Variants in FCRL5 observed in about 807,000 individuals in gnomAD.
FCRL5 encodes the protein Fc receptor-like protein 5.
In FCRL5, 79 loss-of-function variants were observed where a neutral mutation model predicts 92.1. The ratio of observed to expected loss-of-function variants is 0.86; its 90% CI spans 0.72 to 1.03. FCRL5 has a LOEUF of 1.03. Ranked by LOEUF, FCRL5 falls within the 50% of genes least tolerant of loss-of-function variation. FCRL5 has a pLI of 0.00. For synonymous variants in FCRL5, 466 were observed against 469.3 expected, an observed-to-expected ratio of 0.99 and a Z score of 0.09; for missense variants, 1,160 against 1,181.1, an observed-to-expected ratio of 0.98 and a Z score of 0.26.
intron 6 of FCRL5, among the ~76,000 whole-genome samples, chr1:157,541,659 C>A (rs562117782): frequency 8.5e-4 from 130 of 152,338 alleles, no homozygotes; most frequent in Non-Finnish European, 1.6e-3. Context: ...GATTGGCATG[C>A]CTTTCCATCT....
chr1:157,532,157 AT>A (rs2101618698), intron 8 of FCRL5: 1 of 152,306 alleles, frequency 6.6e-6, no homozygotes, highest in East Asian at 1.9e-4. Flanking sequence ...ATAATGGCGT[AT>A]GAGAGTTTCT....
chr1:157,537,679 A>T (rs1267843379), intron 7 of FCRL5, among the ~76,000 whole-genome samples: 1 of 152,168 alleles, frequency 6.6e-6, no homozygotes, highest in Non-Finnish European at 1.5e-5. Flanking sequence ...AAGGGGCATC[A>T]TGGAACCTGC....
intron 7 of FCRL5, among the ~76,000 whole-genome samples, chr1:157,538,205 G>T (rs1330769425): frequency 6.6e-6 from 1 of 152,088 alleles, no homozygotes. Flanking sequence ...ACTCCCCCTG[G>T]GTTCCCTGGC....
At chr1:157,546,495 C>CAAACCAAACCAAACCAAACA (rs1651545993) in intron 3 of FCRL5, among the ~76,000 whole-genome samples, 1 of 151,616 alleles carries the variant, frequency 6.6e-6, no homozygotes, top group Non-Finnish European at 1.5e-5. Flanking sequence ...CAAACCAAAC[C>CAAACCAAACCAAACCAAACA]AAACCAAAAA....
In FCRL5 at chr1:157,545,522, G is replaced by GTTTTTT. The variant is rs754972248; in HGVS notation, c.308-446_308-441dup. On this transcript the variant is annotated intron_variant, in intron 3 of 16. Transcript: ENST00000361835. ...GGCAGTAATGTAATTTCTTTAATGAGTTTTTTTTTTTTTTTTTTTTTTTTG... is the reference window on the plus strand; with the variant it reads ...GGCAGTAATGTAATTTCTTTAATGAGTTTTTTTTTTTTTTTTTTTTTTTTTTTTTTG... 1.7e-3 allele frequency among the ~76,000 whole-genome samples: 148 copies of GTTTTTT among 84,958 alleles called. 3 individuals are homozygous for GTTTTTT. The highest frequency in any genetic ancestry group is 0.01 in the Middle Eastern group (1 of 98). 55.7% of individuals were successfully genotyped at this position (84,958 alleles called of 152,430 possible). A position where few individuals can be genotyped will look rare whatever the true frequency, so the allele number is the denominator to read the frequency against.
At chr1:157,539,744 A>G (rs1393899068) in intron 6 of FCRL5, among the ~76,000 whole-genome samples, 1 of 152,226 alleles carries the variant, frequency 6.6e-6, no homozygotes, top group Non-Finnish European at 1.5e-5. Flanking sequence ...TGCATATCTG[A>G]TTATTTCCCT....
At position 157,544,982 on chromosome 1, in the gene FCRL5, G is replaced by A. The variant is rs1404678793; in HGVS notation, c.408C>T (p.Tyr136=). The A allele has an allele frequency of 1.2e-6, 2 of 1,614,020 alleles. No homozygotes were observed. Among genetic ancestry groups the A allele is most frequent in the Non-Finnish European group, 8.5e-7 (1 of 1,180,018 alleles). Residue 136 remains tyrosine, a synonymous_variant, in exon 4 of 17, where the codon TAC becomes TAT. Transcript: ENST00000361835. The part of the protein sequence containing the change: ...KAEVTLNNTI[Y]KNDNVLAFLN... ...GGAATGCCAGGACATTATCATTCTT[G>A]TAAATAGTATTATTCAGTGTTACTT... is the stretch of plus-strand genomic sequence containing the variant.
Position 157,524,396 on chromosome 1 carries a change from C to T in FCRL5, c.2122G>A (p.Gly708Arg). The change falls in exon 10 of 17, where the codon GGA becomes AGA. Residue 708 changes from glycine to arginine, a missense_variant. Physicochemically the swap from Gly to Arg is moderately radical, Grantham distance 125. Coordinates refer to ENST00000361835, the MANE Select transcript of FCRL5 (RefSeq NM_031281.3). ...GAGAGGTTGAAGGAGGCCCCTCCTC[C>T]AGAGGGGGCTGAGATCTTACCCAGG... ...VTLGKISAPSGGGASFNLSLT... is the reference protein window; with the variant it reads ...VTLGKISAPSRGGASFNLSLT... The T allele has an allele frequency of 6.2e-7, 1 of 1,614,134 alleles. No homozygotes were observed. Among genetic ancestry groups the T allele is most frequent in the South Asian group, 1.1e-5 (1 of 91,084 alleles).
chr1:157,525,991 T>C (rs1416107379), intron 9 of FCRL5, among the ~76,000 whole-genome samples: 2 of 152,202 alleles, frequency 1.3e-5, no homozygotes, highest in African/African-American at 4.8e-5. Context: ...TATTTATAGA[T>C]GACAAGGCCA....
intron 6 of FCRL5, 84 bp downstream of exon 6, chr1:157,542,775 G>A (rs1455698896): frequency 1.4e-6 from 2 of 1,453,578 alleles, no homozygotes; most frequent in Non-Finnish European, 1.9e-6. Flanking sequence ...GAGGATACTG[G>A]AAGGTATATG....
chr1:157,534,685 C>T lies in FCRL5; in HGVS notation c.1610G>A (p.Gly537Glu), dbSNP rs760360486. The change falls in exon 8 of 17, where the codon GGG becomes GAG. Residue 537 changes from glycine (G) to glutamate (E), a missense_variant. Coordinates refer to ENST00000361835, the MANE Select transcript of FCRL5 (RefSeq NM_031281.3). ...ATTGTCAGCTGTGCAGTAGTAATTCCCTGAATGTCCTTCAGTCAGAGAGAA... is the reference window on the plus strand; with the variant it reads ...ATTGTCAGCTGTGCAGTAGTAATTCTCTGAATGTCCTTCAGTCAGAGAGAA... ...FSFSLTEGHS[G>E]NYYCTADNGF... 1.9e-6 allele frequency: 3 copies of T among 1,614,120 alleles called. No homozygotes were observed. Among genetic ancestry groups the T allele is most frequent in the South Asian group, 1.1e-5 (1 of 91,068 alleles).
Position 157,527,670 on chromosome 1 carries a change from G to A in FCRL5, c.1907C>T (p.Ala636Val). 6.2e-7 allele frequency: 1 copy of A among 1,614,070 alleles called. No homozygotes were observed. The highest frequency in any genetic ancestry group is 1.7e-5 in the Admixed American group (1 of 60,026). ...GTGCTGGGCCACTAGGCCATTGTTG[G>A]CCTCACATGAGTAGTTTCCAGAATG... ...AEHSGNYSCE[A>V]NNGLVAQHSD... The change falls in exon 9 of 17, where the codon GCC becomes GTC. Residue 636 changes from alanine (A) to valine (V), a missense_variant. Transcript: ENST00000361835.
At chr1:157,544,179 A>C in intron 5 of FCRL5, 83 bp downstream of exon 5, 1 of 1,448,384 alleles carries the variant, frequency 6.9e-7, no homozygotes, top group Non-Finnish European at 9.6e-7. Flanking sequence ...TTCTACAGAG[A>C]CTGGTGACCC....
Position 157,544,371 on chromosome 1 carries a change from G to C in FCRL5, c.735C>G (p.Phe245Leu). ...LGLGWSLSPNFQITAMWSKDS... is the reference protein window; with the variant it reads ...LGLGWSLSPNLQITAMWSKDS... ...CTTTACTCCACATGGCAGTAATCTG[G>C]AAATTCGGGGAGAGACTCCAGCCTA... The change falls in exon 5 of 17, where the codon TTC (phenylalanine) becomes TTG (leucine). Residue 245 changes from phenylalanine to leucine, a missense_variant. By Grantham distance (22) the Phe-to-Leu change is conservative (BLOSUM62 0). Coordinates refer to ENST00000361835, the MANE Select transcript of FCRL5 (RefSeq NM_031281.3). 1 of 1,614,168 alleles carries C rather than the reference G, an allele frequency of 6.2e-7. No individual in the cohort carries two copies. The highest frequency in any genetic ancestry group is 8.5e-7 in the Non-Finnish European group (1 of 1,180,036).
chr1:157,523,612 G>A (rs1558128729), intron 10 of FCRL5, among the ~76,000 whole-genome samples: 1 of 152,208 alleles, frequency 6.6e-6, no homozygotes, highest in Non-Finnish European at 1.5e-5. Flanking sequence ...AAGATTCAGA[G>A]CTCACTAGAA....
At chr1:157,532,543 T>A (rs1335734043) in intron 8 of FCRL5, 4 of 152,214 alleles carry the variant, frequency 2.6e-5, no homozygotes, top group South Asian at 2.1e-4. Flanking sequence ...TATTTTTCTT[T>A]GTTACATTTT....
Position 157,515,703 on chromosome 1 carries a change from A to G in FCRL5, c.2906T>C (p.Phe969Ser). 1 of 1,614,206 alleles carries G rather than the reference A, an allele frequency of 6.2e-7. No homozygotes were observed. The highest frequency in any genetic ancestry group is 8.5e-7 in the Non-Finnish European group (1 of 1,180,034). Residue 969 changes from phenylalanine (F) to serine (S), a missense_variant, in exon 17 of 17, where the codon TTC becomes TCC. By Grantham distance (155) the Phe-to-Ser change is radical. Transcript: ENST00000361835. ...TCTGTGAGGAGCTGAGGAAGCCAAG[A>G]ACAGGGATCCGGAAACCGGGGTTGA... The part of the protein sequence containing the change: ...VASTPVSGSL[F>S]LASSAPHR
intron 2 of FCRL5, among the ~76,000 whole-genome samples, chr1:157,548,165 G>T (rs921144867): frequency 1.1e-4 from 16 of 152,252 alleles, no homozygotes; most frequent in African/African-American, 3.9e-4. Flanking sequence ...CTTAGCAAAG[G>T]CTGGGAGCTG....
intron 8 of FCRL5, chr1:157,533,426 T>C (rs1315519347): frequency 6.6e-6 from 1 of 152,246 alleles, no homozygotes; most frequent in Non-Finnish European, 1.5e-5. Flanking sequence ...ATCCAATCTA[T>C]TCTTACTGCT....
Sources: allele counts gnomAD v4.1 joint callset (sites outside exome capture counted in the v4.1 genomes callset), GRCh38; gene constraint gnomAD v4.1.1; transcripts MANE v1.5; gene names NCBI Gene and HGNC (gene_info 2026-07-23, HGNC 2026-07-21).